The following OSER1 variants were observed in gnomAD, a reference collection of about 807,000 sequenced individuals.
OSER1 encodes the protein oxidative stress responsive serine rich 1.
A neutral mutation model predicts 26.3 loss-of-function variants in OSER1; 15 were observed. The observed-to-expected ratio is 0.57, with a 90% CI of 0.38 to 0.88. The LOEUF is 0.88. Ranked by LOEUF, OSER1 falls within the 40% of genes least tolerant of loss-of-function variation. OSER1 has a pLI of 0.00. For missense variants in OSER1, 313 were observed against 353.9 expected (o/e 0.88, Z 0.93); for synonymous variants, 127 against 128.2 (o/e 0.99, Z 0.07).
At chr20:44,202,480 A>C (rs1406388589) in intron 3 of OSER1, among the ~76,000 whole-genome samples, 1 of 152,244 alleles carries the variant, frequency 6.6e-6, no homozygotes, top group African/African-American at 2.4e-5. Context: ...ATGTCACTAC[A>C]TAATAAAAGT....
intron 2 of OSER1, among the ~76,000 whole-genome samples, chr20:44,203,628 C>G (rs972839042): frequency 1.3e-5 from 2 of 151,648 alleles, no homozygotes; most frequent in African/African-American, 4.9e-5. Flanking sequence ...AAAACAGAAT[C>G]ATCCATACCT....
At chr20:44,208,843 A>C (rs1031916915) in intron 1 of OSER1, among the ~76,000 whole-genome samples, 5 of 152,198 alleles carry the variant, frequency 3.3e-5, no homozygotes, top group Non-Finnish European at 5.9e-5. Flanking sequence ...CCCAACCCGC[A>C]GACCGCCCCC....
At chr20:44,209,855 G>A (rs1275890891) in intron 1 of OSER1, among the ~76,000 whole-genome samples, 2 of 152,098 alleles carry the variant, frequency 1.3e-5, no homozygotes, top group Non-Finnish European at 2.9e-5. Flanking sequence ...GAAGGGATGC[G>A]CGGGTAAGCG....
At chr20:44,199,414 C>T (rs1452369417) in intron 3 of OSER1, among the ~76,000 whole-genome samples, 1 of 152,182 alleles carries the variant, frequency 6.6e-6, no homozygotes, top group Admixed American at 6.5e-5. Context: ...CAATGATACA[C>T]TCACTAGATG....
Position 44,206,909 on chromosome 20 carries a change from AAGC to A in OSER1, c.46_48del (p.Ala16del). Reference sequence around the variant, plus strand: ...GATGCATCCACTCTTAATTTTTTGAAAGCAGTCTGTAGACTCTCCTCCTCTCCA... The same window carrying A: ...GATGCATCCACTCTTAATTTTTTGAAAGTCTGTAGACTCTCCTCCTCTCCA... On this transcript the variant is annotated inframe_deletion, in exon 2 of 4. Transcript: ENST00000255174. 6.4e-7 allele frequency: 1 copy of A among 1,565,410 alleles called. No homozygotes were observed.
chr20:44,206,432 C>T (rs2073038384), intron 2 of OSER1, among the ~76,000 whole-genome samples: 1 of 152,158 alleles, frequency 6.6e-6, no homozygotes, highest in Non-Finnish European at 1.5e-5. Flanking sequence ...AGTGACAGAA[C>T]CCTCCTGAAT....
Position 44,206,992 on chromosome 20 carries a change from GT to G in OSER1, c.-36del. 1 of 1,521,898 alleles carries G rather than the reference GT, an allele frequency of 6.6e-7. No individual in the cohort carries two copies. The highest frequency in any genetic ancestry group is 9.1e-7 in the Non-Finnish European group (1 of 1,100,714). The allele number at this position is 1,521,898 out of a possible 1,614,324, so 94.3% of individuals were successfully genotyped here. A position where few individuals can be genotyped will look rare whatever the true frequency, so the allele number is the denominator to read the frequency against. ...TTTTACACTACTTATCGATGTTCCT[GT>G]TTACACTAAAAAAGAAAATAAAGTG... On this transcript the variant is annotated 5_prime_UTR_variant, in exon 2 of 4. Coordinates refer to ENST00000255174, the MANE Select transcript of OSER1 (RefSeq NM_016470.8).
rs2072929945 is a variant in OSER1 at position 44,197,356 on chromosome 20, T to C, written c.575A>G (p.Asn192Ser). The C allele has an allele frequency of 6.2e-7, 1 of 1,614,136 alleles. No individual in the cohort carries two copies. ...LSDFQSVSKL[N>S]QGKPCTCIGK... Reference sequence around the variant, plus strand: ...TATGCATGTGCATGGCTTGCCCTGGTTTAGCTTGGAAACTGATTGAAAGTC... The same window carrying C: ...TATGCATGTGCATGGCTTGCCCTGGCTTAGCTTGGAAACTGATTGAAAGTC... The change falls in exon 4 of 4, where the codon AAC (asparagine) becomes AGC (serine). Residue 192 changes from asparagine (N) to serine (S), a missense_variant. Asn to Ser is a conservative substitution (Grantham distance 46). This residue lies in a region of OSER1 where 300 missense variants were observed against 318.3 expected (regional missense o/e 0.94). Coordinates refer to ENST00000255174, the MANE Select transcript of OSER1 (RefSeq NM_016470.8).
intron 3 of OSER1, among the ~76,000 whole-genome samples, chr20:44,198,917 G>A (rs760634571): frequency 2.0e-5 from 3 of 152,166 alleles, no homozygotes; most frequent in East Asian, 1.9e-4. Flanking sequence ...ATCCTGCTCC[G>A]TCCCACCTGG....
intron 2 of OSER1, among the ~76,000 whole-genome samples, chr20:44,204,123 GTTTTTGTAAA>G (rs1348892349): frequency 6.6e-6 from 1 of 152,100 alleles, no homozygotes; most frequent in Admixed American, 6.5e-5. Flanking sequence ...ATCCTGTTTT[GTTTTTGTAAA>G]TTTTTCTATA....
intron 3 of OSER1, among the ~76,000 whole-genome samples, chr20:44,202,565 G>C (rs1284150301): frequency 6.6e-6 from 1 of 151,940 alleles, no homozygotes; most frequent in African/African-American, 2.4e-5. Context: ...GATACATAAA[G>C]CAAAAACATA....
rs1485525940 is a variant in OSER1 at position 44,203,680 on chromosome 20, C to A, written c.78-606G>T. ...CCAACATCAAACATTGGTGGAAATC[C>A]TTCCAGACTTTTTTCACACACACAC... On this transcript the variant is annotated intron_variant, in intron 2 of 3. Coordinates refer to ENST00000255174, the MANE Select transcript of OSER1 (RefSeq NM_016470.8). 2.8e-5 allele frequency among the ~76,000 whole-genome samples: 4 copies of A among 141,082 alleles called. No individual in the cohort carries two copies. In the Admixed American group the frequency reaches 3.0e-4, roughly 11 times the overall value. The allele number at this position is 141,082 out of a possible 152,430, so 92.6% of individuals were successfully genotyped here.
In OSER1 at chr20:44,198,198, T is replaced by C. The variant is rs529813087; in HGVS notation, c.192-459A>G. Among the ~76,000 whole-genome samples, 16 of 152,336 alleles carry C rather than the reference T, an allele frequency of 1.1e-4. No homozygotes were observed. In the East Asian group the frequency reaches 2.7e-3, roughly 26 times the overall value. ...CATTATGCCATTACTATTAAATAGA[T>C]TTCTGATTCATTTCTATCATTGGTA... On this transcript the variant is annotated intron_variant, in intron 3 of 3. Coordinates refer to ENST00000255174, the MANE Select transcript of OSER1 (RefSeq NM_016470.8).
chr20:44,197,469 A>T lies in OSER1; in HGVS notation c.462T>A (p.Val154=), dbSNP rs2072931726. 26 of 1,614,178 alleles carry T rather than the reference A, an allele frequency of 1.6e-5. No individual in the cohort carries two copies. The highest frequency in any genetic ancestry group is 6.6e-5 in the South Asian group (6 of 91,090). Residue 154 remains valine, a synonymous_variant, in exon 4 of 4, where the codon GTT becomes GTA. Transcript: ENST00000255174. ...TCTTACTCTCTGATGGGAGCCTTGG[A>T]ACAGAAGTTCTCAAAGGCTCAACGA... is the stretch of plus-strand genomic sequence containing the variant. The part of the protein sequence containing the change: ...GAVVEPLRTS[V]PRLPSESKKE...
At position 44,196,307 on chromosome 20, in the gene OSER1, A is replaced by C. The variant is rs1455241520; in HGVS notation, c.*745T>G. On this transcript the variant is annotated 3_prime_UTR_variant, in exon 4 of 4. Coordinates refer to ENST00000255174, the MANE Select transcript of OSER1 (RefSeq NM_016470.8). ...TACAACTGATAACAAAAAAAAAAAA[A>C]AAAAACCGCCATATATTTAAAATGC... 1.4e-5 allele frequency among the ~76,000 whole-genome samples: 2 copies of C among 144,242 alleles called. No homozygotes were observed. Among genetic ancestry groups the C allele is most frequent in the South Asian group, 4.6e-4 (2 of 4,374 alleles). 94.6% of individuals were successfully genotyped at this position (144,242 alleles called of 152,430 possible). A position where few individuals can be genotyped will look rare whatever the true frequency, so the allele number is the denominator to read the frequency against.
At chr20:44,200,528 A>G (rs1385705050) in intron 3 of OSER1, among the ~76,000 whole-genome samples, 3 of 152,246 alleles carry the variant, frequency 2.0e-5, no homozygotes, top group African/African-American at 7.2e-5. Flanking sequence ...TTTACAAAAA[A>G]AGTTTGTCAA....
chr20:44,204,228 C>T (rs535720182), intron 2 of OSER1, among the ~76,000 whole-genome samples: 130 of 152,182 alleles, frequency 8.5e-4, no homozygotes, highest in African/African-American at 3.0e-3. Context: ...AAGACAAATA[C>T]CACTAAGGAA....
Position 44,205,200 on chromosome 20 carries a change from T to G in OSER1, c.77+1681A>C, listed in dbSNP as rs906611035. Among the ~76,000 whole-genome samples the G allele has an allele frequency of 9.9e-5, 15 of 152,212 alleles. No individual in the cohort carries two copies. The East Asian group carries it at 1.3e-3, about 14-fold the overall frequency. On this transcript the variant is annotated intron_variant, in intron 2 of 3. Coordinates refer to ENST00000255174, the MANE Select transcript of OSER1 (RefSeq NM_016470.8). Reference sequence around the variant, plus strand: ...AGAAGTCCGTGTATCAAGAGTTACTTATACAAAATTACACACTAAGAGATT... The same window carrying G: ...AGAAGTCCGTGTATCAAGAGTTACTGATACAAAATTACACACTAAGAGATT...
rs540168806 is a variant in OSER1 at position 44,200,909 on chromosome 20, T to C, written c.191+2052A>G. Among the ~76,000 whole-genome samples the C allele has an allele frequency of 1.6e-4, 24 of 152,366 alleles. 1 individual carries two copies. The South Asian group carries it at 3.3e-3, about 21-fold the overall frequency. On this transcript the variant is annotated intron_variant, in intron 3 of 3. Coordinates refer to ENST00000255174, the MANE Select transcript of OSER1 (RefSeq NM_016470.8). ...GTAACGAAACCAGAAGACAATGAAC[T>C]GTACCTAATTTAAGTGCTAAGAGAA...
Sources: allele counts gnomAD v4.1 joint callset (sites outside exome capture counted in the v4.1 genomes callset), GRCh38; gene constraint gnomAD v4.1.1; regional missense constraint gnomAD v4.1.1; transcripts MANE v1.5; gene names NCBI Gene and HGNC (gene_info 2026-07-23, HGNC 2026-07-21).